NCALD: variants seen among roughly 807,000 people sequenced by gnomAD.
The protein encoded by NCALD is neurocalcin delta.
NCALD carries 10 observed loss-of-function variants against 18.6 expected under a neutral mutation model. The ratio of observed to expected loss-of-function variants is 0.54; its 90% CI spans 0.33 to 0.91. The LOEUF is 0.91. NCALD is among the 40% of genes least tolerant of loss of function. The probability of loss-of-function intolerance (pLI) is 0.03; values close to 1 mark genes in which losing one functional copy is unlikely to be tolerated. For synonymous variants in NCALD, 88 were observed against 87.4 expected (o/e 1.01, Z -0.04); for missense variants, 184 against 247.6 (o/e 0.74, Z 1.72).
intron 2 of NCALD, among the ~76,000 whole-genome samples, chr8:101,988,119 C>T (rs1563513269): frequency 7.8e-6 from 1 of 127,858 alleles, no homozygotes; most frequent in Admixed American, 1.0e-4. Flanking sequence ...CGCGCCACTG[C>T]GGTCCGGCCT....
At chr8:101,988,902 GAAAAAAA>G (rs35196499) in intron 2 of NCALD, among the ~76,000 whole-genome samples, 1 of 66,102 alleles carries the variant, frequency 1.5e-5, no homozygotes, top group Non-Finnish European at 2.8e-5. Context: ...GGTGCCAGCA[GAAAAAAA>G]AAAAAAAAAA....
intron 4 of NCALD, among the ~76,000 whole-genome samples, chr8:101,831,734 T>C (rs1251653562): frequency 6.6e-6 from 1 of 152,066 alleles, no homozygotes; most frequent in Non-Finnish European, 1.5e-5. Flanking sequence ...GTCATCTCAG[T>C]GCAGCAGCCT....
intron 2 of NCALD, among the ~76,000 whole-genome samples, chr8:101,939,720 A>C (rs886991243): frequency 6.6e-5 from 10 of 152,252 alleles, no homozygotes; most frequent in Admixed American, 2.0e-4. Flanking sequence ...AACTTATTAC[A>C]TAACAGTCAC....
intron 3 of NCALD, among the ~76,000 whole-genome samples, chr8:101,888,286 G>A (rs1816746990): frequency 6.6e-6 from 1 of 152,126 alleles, no homozygotes; most frequent in Admixed American, 6.5e-5. Flanking sequence ...GAGGATATGT[G>A]TCTATAAAAA....
chr8:101,828,295 C>T (rs1296085813), intron 4 of NCALD, among the ~76,000 whole-genome samples: 4 of 152,200 alleles, frequency 2.6e-5, no homozygotes, highest in Non-Finnish European at 4.4e-5. Flanking sequence ...AAGACCGAGG[C>T]TCTGCCCAGC....
intron 2 of NCALD, among the ~76,000 whole-genome samples, chr8:101,713,774 T>C (rs1387406921): frequency 1.3e-5 from 2 of 152,146 alleles, no homozygotes; most frequent in South Asian, 2.1e-4. Context: ...CATTTTGAAA[T>C]TGAGGCAATA....
At chr8:101,938,154 T>C (rs1818829692) in intron 2 of NCALD, among the ~76,000 whole-genome samples, 1 of 152,174 alleles carries the variant, frequency 6.6e-6, no homozygotes. Flanking sequence ...TTTAATGAAC[T>C]CAATAAGCAA....
intron 4 of NCALD, among the ~76,000 whole-genome samples, chr8:101,858,969 T>C (rs1011769710): frequency 1.3e-5 from 2 of 152,096 alleles, no homozygotes; most frequent in African/African-American, 4.8e-5. Flanking sequence ...TAATATTGAG[T>C]GTCAACTTGA....
chr8:101,979,984 G>T (rs1820557934), intron 2 of NCALD, among the ~76,000 whole-genome samples: 1 of 152,166 alleles, frequency 6.6e-6, no homozygotes, highest in Admixed American at 6.5e-5. Flanking sequence ...GGAGGATAGG[G>T]TGGTGGTGGT....
intron 1 of NCALD, among the ~76,000 whole-genome samples, chr8:101,730,221 C>A (rs1037504113): frequency 1.3e-5 from 2 of 152,082 alleles, no homozygotes; most frequent in African/African-American, 4.8e-5. Flanking sequence ...GTGGCTCATG[C>A]CTCTAATCTC....
intron 2 of NCALD, among the ~76,000 whole-genome samples, chr8:101,976,622 A>G (rs1055162512): frequency 1.3e-5 from 2 of 152,196 alleles, no homozygotes; most frequent in Non-Finnish European, 2.9e-5. Flanking sequence ...AGCTTTTTTT[A>G]TGGTTTGCCA....
At chr8:101,963,265 G>C (rs746970909) in intron 2 of NCALD, among the ~76,000 whole-genome samples, 5 of 152,150 alleles carry the variant, frequency 3.3e-5, no homozygotes, top group Non-Finnish European at 5.9e-5. Context: ...TTTTCATTAT[G>C]CCATACCTCT....
chr8:102,065,196 T>C (rs901034054), intron 1 of NCALD, among the ~76,000 whole-genome samples: 6 of 152,046 alleles, frequency 3.9e-5, no homozygotes, highest in African/African-American at 1.4e-4. Flanking sequence ...CTGCAACAGA[T>C]TTCGATCTGC....
intron 1 of NCALD, among the ~76,000 whole-genome samples, chr8:102,059,138 G>C (rs1893535): frequency 6.6e-6 from 1 of 151,980 alleles, no homozygotes; most frequent in East Asian, 1.9e-4. Flanking sequence ...AGCAAATATA[G>C]TTCCGTATGT....
At chr8:101,915,193 CA>C (rs1817931430) in intron 3 of NCALD, among the ~76,000 whole-genome samples, 1 of 152,194 alleles carries the variant, frequency 6.6e-6, no homozygotes, top group African/African-American at 2.4e-5. Context: ...TAGTAACTAA[CA>C]GAGCCAAAAT....
At chr8:102,113,645 G>C (rs1251738377) in intron 1 of NCALD, among the ~76,000 whole-genome samples, 6 of 152,148 alleles carry the variant, frequency 3.9e-5, no homozygotes, top group African/African-American at 9.7e-5. Flanking sequence ...GGATTGCCTA[G>C]GACAGTCCCC....
intron 1 of NCALD, among the ~76,000 whole-genome samples, chr8:102,028,778 C>A (rs1481958146): frequency 6.6e-6 from 1 of 152,182 alleles, no homozygotes; most frequent in Non-Finnish European, 1.5e-5. Flanking sequence ...ACCTTCTGGT[C>A]ATTTATTCCA....
At chr8:101,764,034 T>C (rs1414703618) in intron 1 of NCALD, among the ~76,000 whole-genome samples, 1 of 149,236 alleles carries the variant, frequency 6.7e-6, no homozygotes, top group Non-Finnish European at 1.5e-5. Context: ...GGTCTGTCTC[T>C]CAAGAGAACC....
intron 4 of NCALD, among the ~76,000 whole-genome samples, chr8:101,830,634 G>A (rs948476311): frequency 6.6e-6 from 1 of 152,052 alleles, no homozygotes; most frequent in Non-Finnish European, 1.5e-5. Context: ...TATGGCTGAC[G>A]AAGAGCATAT....
Sources: allele counts gnomAD v4.1 joint callset (sites outside exome capture counted in the v4.1 genomes callset), GRCh38; gene constraint gnomAD v4.1.1; transcripts MANE v1.5; gene names NCBI Gene and HGNC (gene_info 2026-07-23, HGNC 2026-07-21).